DENND1A: variants seen among roughly 807,000 people sequenced by gnomAD.
DENND1A encodes DENN domain containing 1A.
In DENND1A, 51 loss-of-function variants were observed where a neutral mutation model predicts 113.7. The ratio of observed to expected loss-of-function variants is 0.45; its 90% CI spans 0.36 to 0.57. The LOEUF is 0.57. Among genes scored for constraint, DENND1A ranks in the 20% least tolerant of loss-of-function variants. DENND1A has a pLI of 0.00. For missense variants in DENND1A, 1,258 were observed against 1,395.9 expected (o/e 0.90, Z 1.57); for synonymous variants, 565 against 570.8 (o/e 0.99, Z 0.14).
chr9:123,579,957 A>G (rs1240818861), intron 12 of DENND1A, among the ~76,000 whole-genome samples: 1 of 152,220 alleles, frequency 6.6e-6, no homozygotes, highest in African/African-American at 2.4e-5. Flanking sequence ...GTTACAAACC[A>G]GCTTGCATAT....
chr9:123,425,701 G>A (rs1267564398), intron 19 of DENND1A, among the ~76,000 whole-genome samples: 1 of 152,238 alleles, frequency 6.6e-6, no homozygotes, highest in Non-Finnish European at 1.5e-5. Context: ...GTCCTTTTCT[G>A]TGGGACAGGG....
intron 7 of DENND1A, among the ~76,000 whole-genome samples, chr9:123,670,662 T>G (rs2063720915): frequency 6.6e-6 from 1 of 152,080 alleles, no homozygotes; most frequent in African/African-American, 2.4e-5. Context: ...CATTAAGCAC[T>G]CTCCTGCTCT....
intron 13 of DENND1A, among the ~76,000 whole-genome samples, chr9:123,526,662 C>T (rs1304387058): frequency 6.6e-6 from 1 of 152,210 alleles, no homozygotes; most frequent in Non-Finnish European, 1.5e-5. Flanking sequence ...ATCTGATTAA[C>T]CTCTCTTTGG....
Position 123,411,987 on chromosome 9 carries a change from C to T in DENND1A, c.1489-158G>A, listed in dbSNP as rs577698110. On this transcript the variant is annotated intron_variant, in intron 19 of 23. Transcript: ENST00000394215. ...GCCCCCACTGTCCACCTTTTGAGGC[C>T]GTCTCCTCTGCTCATTCTTTCCTTC... 2.0e-3 allele frequency among the ~76,000 whole-genome samples: 300 copies of T among 152,276 alleles called. 1 individual carries two copies. Among genetic ancestry groups the T allele is most frequent in the African/African-American group, 6.9e-3 (287 of 41,534 alleles).
chr9:123,665,266 T>C (rs959086982), intron 8 of DENND1A, among the ~76,000 whole-genome samples: 3 of 152,192 alleles, frequency 2.0e-5, no homozygotes, highest in African/African-American at 7.2e-5. Context: ...TCTGTTTCCT[T>C]ATATTAAATA....
At chr9:123,472,674 T>A (rs1205620026) in intron 13 of DENND1A, among the ~76,000 whole-genome samples, 1 of 152,224 alleles carries the variant, frequency 6.6e-6, no homozygotes, top group East Asian at 1.9e-4. Flanking sequence ...GTTGCTCCCA[T>A]TTCCTTGGCT....
intron 11 of DENND1A, among the ~76,000 whole-genome samples, chr9:123,595,195 G>A (rs1445083449): frequency 6.6e-6 from 1 of 152,178 alleles, no homozygotes; most frequent in Non-Finnish European, 1.5e-5. Flanking sequence ...TGGCAGAGGA[G>A]GGAAGTGGTG....
At chr9:123,797,306 T>C (rs1443037849) in intron 2 of DENND1A, among the ~76,000 whole-genome samples, 1 of 152,180 alleles carries the variant, frequency 6.6e-6, no homozygotes, top group Non-Finnish European at 1.5e-5. Flanking sequence ...ATTTTCCAGA[T>C]GAGAAGATGG....
chr9:123,678,200 G>A (rs2064214745), intron 5 of DENND1A, among the ~76,000 whole-genome samples: 1 of 152,176 alleles, frequency 6.6e-6, no homozygotes, highest in Admixed American at 6.5e-5. Context: ...CAGAGAGGAA[G>A]GGGCCTATCT....
Position 123,381,867 on chromosome 9 carries a change from A to G in DENND1A, c.2778T>C (p.Ala926=). The stretch of plus-strand genomic sequence containing the variant: ...TGGACAGCAGGAGGCCGGACGCAAA[A>G]GCCGGCCCCAGGGAAGCTGGAGGGG... The part of the protein sequence containing the change: ...FGAPPASLGP[A]FASGLLLSSA... Residue 926 remains alanine (A), a synonymous_variant, in exon 24 of 24, where the codon GCT becomes GCC. Coordinates refer to ENST00000394215, the MANE Select transcript of DENND1A (RefSeq NM_001352964.2). This position sits in a 1 kb window ranked among gnomAD's most constrained non-coding sequence, Gnocchi z 4.7. The G allele has an allele frequency of 8.0e-7, 1 of 1,249,994 alleles. No homozygotes were observed. Among genetic ancestry groups the G allele is most frequent in the Non-Finnish European group, 1.0e-6 (1 of 976,988 alleles). The allele number at this position is 1,249,994 out of a possible 1,614,324, so 77.4% of individuals were successfully genotyped here.
At chr9:123,854,631 G>A (rs1459006571) in intron 2 of DENND1A, among the ~76,000 whole-genome samples, 1 of 151,638 alleles carries the variant, frequency 6.6e-6, no homozygotes, top group Non-Finnish European at 1.5e-5. Context: ...GGACGCAGAG[G>A]GTGCAGTGAG....
intron 4 of DENND1A, among the ~76,000 whole-genome samples, chr9:123,758,420 A>T (rs1266875902): frequency 5.3e-5 from 8 of 152,220 alleles, no homozygotes; most frequent in African/African-American, 1.7e-4. Context: ...TTCCCATTTT[A>T]CAGAAAAGGA....
chr9:123,508,680 A>T (rs979155124), intron 13 of DENND1A, among the ~76,000 whole-genome samples: 2 of 152,256 alleles, frequency 1.3e-5, no homozygotes, highest in African/African-American at 4.8e-5. Flanking sequence ...TGGCATGAAC[A>T]TCTAAATAAA....
chr9:123,893,523 T>C (rs924778279), intron 1 of DENND1A, among the ~76,000 whole-genome samples: 3 of 152,178 alleles, frequency 2.0e-5, no homozygotes, highest in Non-Finnish European at 2.9e-5. Context: ...ATTTTAGTCA[T>C]GTTAATCTTA....
chr9:123,575,110 G>A (rs2058564228), intron 12 of DENND1A, among the ~76,000 whole-genome samples: 1 of 152,168 alleles, frequency 6.6e-6, no homozygotes, highest in African/African-American at 2.4e-5. Flanking sequence ...TGGCACCAGG[G>A]ACCAGTTTCA....
intron 13 of DENND1A, chr9:123,485,656 G>GCACGCACACACACACACA (rs1554837497): frequency 1.4e-5 from 2 of 141,242 alleles, no homozygotes; most frequent in South Asian, 2.2e-4. Context: ...GCGCGCGCGC[G>GCACGCACACACACACACA]CACACACACA....
intron 13 of DENND1A, chr9:123,485,632 GCGCGTACACA>G (rs2050746318): frequency 7.4e-6 from 1 of 135,734 alleles, no homozygotes; most frequent in African/African-American, 3.1e-5. Context: ...GTGTGTGTGT[GCGCGTACACA>G]CACGCGCGCG....
chr9:123,526,956 C>T (rs1245693152), intron 13 of DENND1A, among the ~76,000 whole-genome samples: 1 of 152,208 alleles, frequency 6.6e-6, no homozygotes, highest in African/African-American at 2.4e-5. Context: ...GTGGACATCT[C>T]TTGGCTGTCC....
Position 123,918,380 on chromosome 9 carries a change from C to T in DENND1A, c.17+11509G>A, listed in dbSNP as rs541637374. On this transcript the variant is annotated intron_variant, in intron 1 of 23. Coordinates refer to ENST00000394215, the MANE Select transcript of DENND1A (RefSeq NM_001352964.2). ...GCGGGCGCCTGTACTCCCAGCTACTCGGGAGGCTGAAGCAGGAGAATGGCG... is the reference window on the plus strand; with the variant it reads ...GCGGGCGCCTGTACTCCCAGCTACTTGGGAGGCTGAAGCAGGAGAATGGCG... 5.6e-3 allele frequency among the ~76,000 whole-genome samples: 837 copies of T among 150,304 alleles called. 14 individuals carry two copies. Among genetic ancestry groups the T allele is most frequent in the Non-Finnish European group, 1.0e-2 (672 of 67,524 alleles).
Sources: allele counts gnomAD v4.1 joint callset (sites outside exome capture counted in the v4.1 genomes callset), GRCh38; gene constraint gnomAD v4.1.1; non-coding constraint Gnocchi (gnomAD v3.1); transcripts MANE v1.5; gene names NCBI Gene and HGNC (gene_info 2026-07-23, HGNC 2026-07-21).